Variants in CERK observed in about 807,000 individuals in gnomAD.
CERK encodes ceramide kinase, also known as acylsphingosine kinase.
A neutral mutation model predicts 63.4 loss-of-function variants in CERK; 39 were observed. That is an observed-to-expected ratio of 0.61 (90% CI 0.48 to 0.80). The LOEUF is 0.80. Among genes scored for constraint, CERK ranks in the 30% least tolerant of loss-of-function variants. The pLI is 0.00. For synonymous variants in CERK, 302 were observed against 280.0 expected (o/e 1.08, Z -0.78); for missense variants, 670 against 714.1 (o/e 0.94, Z 0.70).
intron 1 of CERK, among the ~76,000 whole-genome samples, chr22:46,729,533 T>G (rs2082935448): frequency 6.6e-6 from 1 of 152,036 alleles, no homozygotes. Flanking sequence ...CCCAGCCTCC[T>G]GAGTAGCTGG....
At position 46,707,955 on chromosome 22, in the gene CERK, G is replaced by A. The variant is rs748269257; in HGVS notation, c.603C>T (p.Ser201=). The A allele has an allele frequency of 5.6e-6, 9 of 1,612,630 alleles. No homozygotes were observed. The highest frequency in any genetic ancestry group is 4.5e-5 in the East Asian group (2 of 44,846). Residue 201 remains serine (S), a synonymous_variant, in exon 6 of 13, where the codon AGC becomes AGT. Transcript: ENST00000216264. ...TCCCAATCAGACCGTGCAGCACCTC[G>A]CTGAACATACCATCTCCGCCGACAC... ...IVCVGGDGMF[S]EVLHGLIGRT...
chr22:46,728,084 A>G (rs1287130534), intron 1 of CERK, among the ~76,000 whole-genome samples: 1 of 152,120 alleles, frequency 6.6e-6, no homozygotes, highest in Non-Finnish European at 1.5e-5. Context: ...GGTTCAGGAA[A>G]TGAATCAGAC....
At position 46,689,357 on chromosome 22, in the gene CERK, G is replaced by A. The variant is rs1393524162; in HGVS notation, c.1541+635C>T. On this transcript the variant is annotated intron_variant, in intron 12 of 12. Transcript: ENST00000216264. ...TGGACAAAGGACTGCCTGTAAAGGC[G>A]GTTTCCTTTGTTTGCCTTTTGAAAT... is the stretch of plus-strand genomic sequence containing the variant. Among the ~76,000 whole-genome samples the A allele has an allele frequency of 3.3e-5, 5 of 152,356 alleles. No individual in the cohort carries two copies. The East Asian group carries it at 7.7e-4, about 24-fold the overall frequency.
At chr22:46,725,413 G>T (rs943581347) in intron 1 of CERK, among the ~76,000 whole-genome samples, 1 of 152,066 alleles carries the variant, frequency 6.6e-6, no homozygotes, top group Non-Finnish European at 1.5e-5. Context: ...AATGCGGACG[G>T]TCCTCTAGAA....
intron 1 of CERK, among the ~76,000 whole-genome samples, chr22:46,733,807 C>T (rs1203718142): frequency 6.6e-5 from 10 of 151,318 alleles, no homozygotes; most frequent in African/African-American, 1.2e-4. Flanking sequence ...TTTGGGAGGC[C>T]GAGGCAGGCA....
intron 1 of CERK, among the ~76,000 whole-genome samples, chr22:46,726,676 CAAGG>C (rs1238623974): frequency 1.3e-5 from 2 of 152,274 alleles, no homozygotes; most frequent in Admixed American, 6.5e-5. Flanking sequence ...TTGCCTATGC[CAAGG>C]AAGACCAAAA....
At chr22:46,718,934 G>A (rs1308145633) in intron 3 of CERK, among the ~76,000 whole-genome samples, 1 of 152,076 alleles carries the variant, frequency 6.6e-6, no homozygotes. Flanking sequence ...CAGGCGTGGT[G>A]GCACACACCT....
Position 46,738,128 on chromosome 22 carries a change from C to T in CERK, c.21G>A (p.Ala7=). Reference sequence around the variant, plus strand: ...CCCACAGCACGGATTGCAGCGGCTCCGCCGCCCCCGTCGCCCCCATCTCCG... The same window carrying T: ...CCCACAGCACGGATTGCAGCGGCTCTGCCGCCCCCGTCGCCCCCATCTCCG... MGATGA[A]EPLQSVLWVK... is the part of the protein sequence containing the mutation. The change falls in exon 1 of 13, where the codon GCG becomes GCA. Residue 7 remains alanine, a synonymous_variant. Coordinates refer to ENST00000216264, the MANE Select transcript of CERK (RefSeq NM_022766.6). The T allele has an allele frequency of 8.1e-7, 1 of 1,230,042 alleles. No individual in the cohort carries two copies. Among genetic ancestry groups the T allele is most frequent in the South Asian group, 2.4e-5 (1 of 41,622 alleles). 76.2% of individuals were successfully genotyped at this position (1,230,042 alleles called of 1,614,324 possible). A position where few individuals can be genotyped will look rare whatever the true frequency, so the allele number is the denominator to read the frequency against.
At chr22:46,708,826 C>A (rs1024341179) in intron 5 of CERK, among the ~76,000 whole-genome samples, 1 of 152,032 alleles carries the variant, frequency 6.6e-6, no homozygotes, top group Non-Finnish European at 1.5e-5. Flanking sequence ...GCTCTCATCA[C>A]CCGGGAAGAG....
intron 1 of CERK, among the ~76,000 whole-genome samples, chr22:46,727,834 C>A (rs908698363): frequency 2.0e-5 from 3 of 151,870 alleles, no homozygotes; most frequent in African/African-American, 7.3e-5. Flanking sequence ...CCCAGCCACC[C>A]CCCCCGGCCC....
intron 5 of CERK, among the ~76,000 whole-genome samples, chr22:46,710,204 C>T (rs576255354): frequency 1.3e-4 from 20 of 152,138 alleles, no homozygotes; most frequent in African/African-American, 3.9e-4. Context: ...TGAGGCGGGT[C>T]GCGTGGATCA....
Position 46,691,627 on chromosome 22 carries a change from C to G in CERK, c.1277G>C (p.Cys426Ser). ...GSSDLILIRKCSRFNFLRFLI... is the reference protein window; with the variant it reads ...GSSDLILIRKSSRFNFLRFLI... ...AAATCTCAGAAAATTGAACCTGGAG[C>G]ATTTCCGGATGAGGATGAGGTCAGA... Residue 426 changes from cysteine (C) to serine (S), a missense_variant, in exon 11 of 13, where the codon TGC becomes TCC. Coordinates refer to ENST00000216264, the MANE Select transcript of CERK (RefSeq NM_022766.6). The G allele has an allele frequency of 6.2e-7, 1 of 1,614,044 alleles. No homozygotes were observed. Among genetic ancestry groups the G allele is most frequent in the South Asian group, 1.1e-5 (1 of 91,076 alleles).
intron 6 of CERK, among the ~76,000 whole-genome samples, chr22:46,702,513 T>G (rs1034846849): frequency 6.6e-6 from 1 of 152,130 alleles, no homozygotes; most frequent in Non-Finnish European, 1.5e-5. Flanking sequence ...GGCTGGTCTC[T>G]AACTGTTGAC....
At chr22:46,725,273 C>G (rs1053443080) in intron 1 of CERK, among the ~76,000 whole-genome samples, 2 of 149,196 alleles carry the variant, frequency 1.3e-5, no homozygotes, top group African/African-American at 2.6e-5. Flanking sequence ...TCTGAGCAAA[C>G]GGAGAGCAGC....
In CERK at chr22:46,693,512, C is replaced by A. The variant is rs182870657; in HGVS notation, c.1050-9G>T. 1.2e-5 allele frequency: 20 copies of A among 1,612,508 alleles called. 1 individual carries two copies. The Admixed American group carries it at 2.3e-4, about 19-fold the overall frequency. On this transcript the variant is annotated splice_polypyrimidine_tract_variant and intron_variant, in intron 9 of 12. Coordinates refer to ENST00000216264, the MANE Select transcript of CERK (RefSeq NM_022766.6). ...GCCTGCAAACAAAGCATCTGAAAGA[C>A]AAGAATATCATCACCTTTTAAATAT...
At position 46,691,675 on chromosome 22, in the gene CERK, G is replaced by T; in HGVS notation, c.1229C>A (p.Ala410Asp). 1 of 1,613,988 alleles carries T rather than the reference G, an allele frequency of 6.2e-7. No individual in the cohort carries two copies. Among genetic ancestry groups the T allele is most frequent in the South Asian group, 1.1e-5 (1 of 91,084 alleles). ...AGAAGACCCGTCTCCCAAGTGGGCA[G>T]CCGGGGAGAGGCCCCTGGGGCTCCG... ...CRRSPRGLSP[A>D]AHLGDGSSDL... is the part of the protein sequence containing the mutation. Residue 410 changes from alanine to aspartate, a missense_variant, in exon 11 of 13, where the codon GCT becomes GAT. Coordinates refer to ENST00000216264, the MANE Select transcript of CERK (RefSeq NM_022766.6).
chr22:46,738,249 C>T lies in CERK; in HGVS notation c.-101G>A. On this transcript the variant is annotated 5_prime_UTR_variant, in exon 1 of 13. Coordinates refer to ENST00000216264, the MANE Select transcript of CERK (RefSeq NM_022766.6). ...AGTGGCCCGGGCGGCGGGCGGCGGG[C>T]GGCGGGAGGCGGCGCTGCGTCACCC... The T allele has an allele frequency of 1.4e-6, 1 of 718,818 alleles. No homozygotes were observed. The highest frequency in any genetic ancestry group is 1.7e-6 in the Non-Finnish European group (1 of 589,608). The allele number at this position is 718,818 out of a possible 1,614,324, so 44.5% of individuals were successfully genotyped here. A position where few individuals can be genotyped will look rare whatever the true frequency, so the allele number is the denominator to read the frequency against.
intron 1 of CERK, among the ~76,000 whole-genome samples, chr22:46,726,722 C>T (rs2082920111): frequency 6.6e-6 from 1 of 152,184 alleles, no homozygotes; most frequent in African/African-American, 2.4e-5. Flanking sequence ...CAGGGAGAGT[C>T]CAGAAATCTC....
At chr22:46,737,963 T>C in intron 1 of CERK, 44 bp downstream of exon 1, 1 of 1,130,568 alleles carries the variant, frequency 8.8e-7, no homozygotes. Context: ...CCGCCCCCGC[T>C]CCCTGGCCAG....
Sources: gnomAD v4.1 joint callset for allele counts (sites outside exome capture counted in the v4.1 genomes callset) on GRCh38, gnomAD v4.1.1 for gene constraint, MANE v1.5 for transcripts, NCBI Gene and HGNC (gene_info 2026-07-23, HGNC 2026-07-21) for gene names.